ADGRV1: variants seen among roughly 807,000 people sequenced by gnomAD.
ADGRV1 encodes G-protein coupled receptor 98.
Under a neutral mutation model 596.2 loss-of-function variants are expected in ADGRV1, and 359 were observed. That is an observed-to-expected ratio of 0.60 (90% confidence interval 0.55 to 0.66). The LOEUF (loss-of-function observed/expected upper bound fraction) is 0.66, where lower values mean the gene tolerates loss of function less well. Ranked by LOEUF, ADGRV1 falls within the 30% of genes least tolerant of loss-of-function variation. The probability of loss-of-function intolerance (pLI) is 0.00; values close to 1 mark genes in which losing one functional copy is unlikely to be tolerated. For synonymous variants in ADGRV1, 2,681 were observed against 2,679.2 expected (o/e 1.00, Z -0.02); for missense variants, 7,274 against 7,575.6 (o/e 0.96, Z 1.48).
intron 87 of ADGRV1, among the ~76,000 whole-genome samples, chr5:91,114,192 C>T (rs1054663894): frequency 3.3e-5 from 5 of 151,980 alleles, no homozygotes; most frequent in African/African-American, 1.2e-4. Flanking sequence ...GCACTCCAGC[C>T]TAGGCAACAG....
chr5:90,679,812 T>A lies in ADGRV1; in HGVS notation c.5524+183T>A, dbSNP rs6863710. Among the ~76,000 whole-genome samples, 111,843 of 152,030 alleles carry A rather than the reference T, an allele frequency of 0.74. 42,170 individuals carry two copies. Among genetic ancestry groups the A allele is most frequent in the African/African-American group, 0.9 (37,232 of 41,514 alleles). ...CTTCATGTTGTAGTCACCCAGCTAG[T>A]AAGGGATCAAGTCAGAATCACATCC... On this transcript the variant is annotated intron_variant, in intron 26 of 89. Transcript: ENST00000405460.
chr5:90,668,194 C>A (rs1300063692), intron 21 of ADGRV1, among the ~76,000 whole-genome samples: 1 of 151,284 alleles, frequency 6.6e-6, no homozygotes, highest in Non-Finnish European at 1.5e-5. Flanking sequence ...CAATGGCGGG[C>A]GCCCCTCCCC....
intron 83 of ADGRV1, among the ~76,000 whole-genome samples, chr5:90,895,011 C>T (rs1176031379): frequency 6.6e-6 from 1 of 152,084 alleles, no homozygotes; most frequent in African/African-American, 2.4e-5. Context: ...TCATTGTAGC[C>T]TCGACTTTCT....
intron 85 of ADGRV1, among the ~76,000 whole-genome samples, chr5:91,071,416 A>G (rs1374164813): frequency 6.6e-6 from 1 of 152,118 alleles, no homozygotes; most frequent in Non-Finnish European, 1.5e-5. Context: ...AATTTGAAAC[A>G]TAAGCTGGGC....
At chr5:91,139,019 C>G (rs941001890) in intron 87 of ADGRV1, among the ~76,000 whole-genome samples, 2 of 152,206 alleles carry the variant, frequency 1.3e-5, no homozygotes, top group African/African-American at 2.4e-5. Flanking sequence ...GATCCACCCC[C>G]CTTGGCCTCC....
chr5:91,035,867 ATAT>A (rs1562121971), intron 85 of ADGRV1, among the ~76,000 whole-genome samples: 8 of 122,736 alleles, frequency 6.5e-5, no homozygotes, highest in African/African-American at 1.5e-4. Flanking sequence ...TATATTATAT[ATAT>A]ATATATATAT....
chr5:91,056,407 A>G (rs951876362), intron 85 of ADGRV1, among the ~76,000 whole-genome samples: 2 of 152,092 alleles, frequency 1.3e-5, no homozygotes, highest in Non-Finnish European at 2.9e-5. Flanking sequence ...GGTCATCGCC[A>G]GTTGTCCTAT....
intron 1 of ADGRV1, among the ~76,000 whole-genome samples, chr5:90,594,057 C>T (rs938292428): frequency 7.2e-5 from 11 of 152,146 alleles, no homozygotes; most frequent in East Asian, 3.9e-4. Context: ...CTGTGTAATA[C>T]GATTTCTTCT....
At chr5:90,805,909 A>G (rs1179075641) in intron 72 of ADGRV1, among the ~76,000 whole-genome samples, 1 of 152,144 alleles carries the variant, frequency 6.6e-6, no homozygotes, top group Non-Finnish European at 1.5e-5. Flanking sequence ...CAAATGTTAG[A>G]TGGTTTGACC....
intron 70 of ADGRV1, among the ~76,000 whole-genome samples, chr5:90,798,296 C>G (rs1362295249): frequency 6.6e-6 from 1 of 152,116 alleles, no homozygotes; most frequent in Non-Finnish European, 1.5e-5. Flanking sequence ...ACTATAAACA[C>G]CTCTATGCAA....
rs141048580 is a variant in ADGRV1, at chr5:90,828,625, A to G, written c.16369-319A>G. 2.9e-3 allele frequency among the ~76,000 whole-genome samples: 436 copies of G among 152,262 alleles called. 4 individuals are homozygous for G. Among genetic ancestry groups the G allele is most frequent in the East Asian group, 0.025 (131 of 5,184 alleles). On this transcript the variant is annotated intron_variant, in intron 76 of 89. Transcript: ENST00000405460. ...TTGAATTAGTTTATTCCTTTTAACT[A>G]CTTTATAGTGTTTTGTGGTATGAAT...
intron 77 of ADGRV1, among the ~76,000 whole-genome samples, chr5:90,832,363 C>T (rs1369636596): frequency 6.6e-6 from 1 of 152,144 alleles, no homozygotes; most frequent in African/African-American, 2.4e-5. Context: ...TGATGTTGAG[C>T]ACCTTTTCTT....
intron 45 of ADGRV1, among the ~76,000 whole-genome samples, chr5:90,721,819 T>C (rs1751073477): frequency 1.3e-5 from 2 of 152,142 alleles, no homozygotes; most frequent in South Asian, 4.1e-4. Flanking sequence ...AGATTGATTA[T>C]GCAAAGGACT....
At chr5:91,038,232 C>T (rs544480786) in intron 85 of ADGRV1, among the ~76,000 whole-genome samples, 2 of 152,256 alleles carry the variant, frequency 1.3e-5, no homozygotes, top group Admixed American at 6.5e-5. Flanking sequence ...TACAAGAAAG[C>T]GAGGATTACT....
At chr5:90,687,454 C>A (rs1319357542) in intron 29 of ADGRV1, among the ~76,000 whole-genome samples, 1 of 152,036 alleles carries the variant, frequency 6.6e-6, no homozygotes, top group Non-Finnish European at 1.5e-5. Flanking sequence ...TCTGAATGGG[C>A]AAAAACTGGA....
At chr5:90,843,885 T>C (rs994148281) in intron 78 of ADGRV1, among the ~76,000 whole-genome samples, 1 of 152,186 alleles carries the variant, frequency 6.6e-6, no homozygotes, top group African/African-American at 2.4e-5. Context: ...GAAATACATA[T>C]TTTATATTTT....
rs1301002917 is a variant in ADGRV1, at chr5:90,908,622, A to G, written c.17856+44765A>G. On this transcript the variant is annotated intron_variant, in intron 83 of 89. Transcript: ENST00000405460. Reference sequence around the variant, plus strand: ...TTGAATTCAGTGGTAGAATTTTATTATAATAACCTAAGATAAATTACCTAA... The same window carrying G: ...TTGAATTCAGTGGTAGAATTTTATTGTAATAACCTAAGATAAATTACCTAA... Among the ~76,000 whole-genome samples, 3 of 152,328 alleles carry G rather than the reference A, an allele frequency of 2.0e-5. No homozygotes were observed. The East Asian group carries it at 5.8e-4, about 29-fold the overall frequency.
intron 29 of ADGRV1, among the ~76,000 whole-genome samples, chr5:90,688,019 T>C (rs1476198485): frequency 6.6e-6 from 1 of 152,080 alleles, no homozygotes; most frequent in Non-Finnish European, 1.5e-5. Flanking sequence ...AAGCTACCAA[T>C]GACTTCACAG....
chr5:90,947,194 C>T (rs547348184), intron 83 of ADGRV1, among the ~76,000 whole-genome samples: 4 of 152,046 alleles, frequency 2.6e-5, no homozygotes, highest in Non-Finnish European at 4.4e-5. Flanking sequence ...TGGCATGAGA[C>T]GGTATCTCAT....
Sources: gnomAD v4.1 joint callset for allele counts (sites outside exome capture counted in the v4.1 genomes callset) on GRCh38, gnomAD v4.1.1 for gene constraint, MANE v1.5 for transcripts, NCBI Gene and HGNC (gene_info 2026-07-23, HGNC 2026-07-21) for gene names.